DNAJB6: variants seen among roughly 807,000 people sequenced by gnomAD.
DNAJB6 encodes the protein dnaJ homolog subfamily B member 6.
Under a neutral mutation model 42.7 loss-of-function variants are expected in DNAJB6, and 16 were observed. The observed-to-expected ratio is 0.37, with a 90% CI of 0.25 to 0.57. The LOEUF is 0.57. Among genes scored for constraint, DNAJB6 ranks in the 20% least tolerant of loss-of-function variants. DNAJB6 has a pLI of 0.74. For synonymous variants in DNAJB6, 170 were observed against 163.5 expected (o/e 1.04, Z -0.30); for missense variants, 347 against 416.8 (o/e 0.83, Z 1.46).
At chr7:157,343,549 A>G (rs1212255108) in intron 1 of DNAJB6, among the ~76,000 whole-genome samples, 1 of 151,848 alleles carries the variant, frequency 6.6e-6, no homozygotes, top group African/African-American at 2.4e-5. Flanking sequence ...GCTCACTGCA[A>G]ACTCTCCCGG....
At chr7:157,397,192 G>A (rs1253222012) in intron 8 of DNAJB6, among the ~76,000 whole-genome samples, 3 of 152,182 alleles carry the variant, frequency 2.0e-5, no homozygotes, top group Non-Finnish European at 4.4e-5. Context: ...TAACCCGAGC[G>A]GCGTGCTTCC....
At chr7:157,358,227 T>A (rs1799406921) in intron 1 of DNAJB6, among the ~76,000 whole-genome samples, 1 of 152,210 alleles carries the variant, frequency 6.6e-6, no homozygotes, top group African/African-American at 2.4e-5. Flanking sequence ...TAGGAACACA[T>A]GACAGACTTT....
intron 5 of DNAJB6, among the ~76,000 whole-genome samples, chr7:157,374,252 GT>G (rs1035489395): frequency 2.9e-4 from 44 of 152,158 alleles, no homozygotes; most frequent in African/African-American, 9.9e-4. Context: ...AGATGGAGCT[GT>G]TTTTTGGAAG....
At chr7:157,392,820 T>C (rs1376518032) in intron 8 of DNAJB6, among the ~76,000 whole-genome samples, 2 of 152,206 alleles carry the variant, frequency 1.3e-5, no homozygotes, top group South Asian at 2.1e-4. Flanking sequence ...TGTCTTAATA[T>C]GTAGGTGTGC....
chr7:157,364,433 C>G (rs1799750687), intron 3 of DNAJB6, among the ~76,000 whole-genome samples: 1 of 152,148 alleles, frequency 6.6e-6, no homozygotes, highest in Admixed American at 6.5e-5. Flanking sequence ...AACTGTTGAG[C>G]TTATTCATTG....
rs375476524 is a variant in DNAJB6 at position 157,366,165 on chromosome 7, G to A, written c.176-337G>A. On this transcript the variant is annotated intron_variant, in intron 3 of 9. Transcript: ENST00000262177. ...GAGGTTTCACCATATTGGCCAGGCT[G>A]GTCTCAAACTCCTGACCTCAGGTGA... Among the ~76,000 whole-genome samples the A allele has an allele frequency of 1.8e-4, 27 of 152,198 alleles. 1 individual carries two copies. The East Asian group carries it at 3.1e-3, about 17-fold the overall frequency.
At chr7:157,343,699 A>G (rs547473907) in intron 1 of DNAJB6, among the ~76,000 whole-genome samples, 16 of 151,750 alleles carry the variant, frequency 1.1e-4, no homozygotes, top group Non-Finnish European at 1.9e-4. Flanking sequence ...TCCACCTGCC[A>G]TGGCCTCCCA....
Position 157,344,426 on chromosome 7 carries a change from T to C in DNAJB6, c.-27+7282T>C, listed in dbSNP as rs148186811. ...TACTCGGGAGGCTGATGCAGGAGAA[T>C]CGCTGGAACCAGGGAGGTGGAGGTT... On this transcript the variant is annotated intron_variant, in intron 1 of 9. Transcript: ENST00000262177. Among the ~76,000 whole-genome samples, 340 of 151,324 alleles carry C rather than the reference T, an allele frequency of 2.2e-3. 1 individual carries two copies. Among genetic ancestry groups the C allele is most frequent in the African/African-American group, 7.9e-3 (324 of 41,216 alleles).
chr7:157,338,867 G>A (rs1415983534), intron 1 of DNAJB6, among the ~76,000 whole-genome samples: 1 of 152,214 alleles, frequency 6.6e-6, no homozygotes, highest in Non-Finnish European at 1.5e-5. Flanking sequence ...GAAGCTTTTG[G>A]AAAGTGTCCA....
intron 1 of DNAJB6, among the ~76,000 whole-genome samples, chr7:157,348,435 T>C (rs1385690957): frequency 1.3e-5 from 2 of 152,176 alleles, no homozygotes; most frequent in Non-Finnish European, 2.9e-5. Flanking sequence ...GAATGGAAGA[T>C]TTCTGCACCA....
At chr7:157,350,552 A>G (rs779069613) in intron 1 of DNAJB6, among the ~76,000 whole-genome samples, 19 of 152,212 alleles carry the variant, frequency 1.2e-4, no homozygotes, top group Non-Finnish European at 2.2e-4. Flanking sequence ...GAAAGGTTGC[A>G]CTAATTAGTG....
intron 9 of DNAJB6, chr7:157,414,614 G>C (rs900597167): frequency 6.6e-6 from 1 of 152,212 alleles, no homozygotes; most frequent in African/African-American, 2.4e-5. Context: ...CGCGCATCTC[G>C]TGCTGCTCCT....
chr7:157,347,479 C>G (rs1427339600), intron 1 of DNAJB6, among the ~76,000 whole-genome samples: 3 of 152,108 alleles, frequency 2.0e-5, no homozygotes, highest in Non-Finnish European at 2.9e-5. Flanking sequence ...GTCACTGGGA[C>G]TTTAGGTGCA....
chr7:157,387,328 CT>C (rs1801117215), intron 8 of DNAJB6, among the ~76,000 whole-genome samples: 1 of 152,164 alleles, frequency 6.6e-6, no homozygotes, highest in African/African-American at 2.4e-5. Flanking sequence ...CTTCCTGTCT[CT>C]GGATAAGGTA....
intron 1 of DNAJB6, among the ~76,000 whole-genome samples, chr7:157,355,144 GTTTCT>G (rs1045856190): frequency 4.6e-5 from 7 of 151,788 alleles, no homozygotes; most frequent in African/African-American, 1.4e-4. Flanking sequence ...CGTTCCCGTA[GTTTCT>G]TTTATTTATT....
At chr7:157,341,553 A>T (rs559141865) in intron 1 of DNAJB6, among the ~76,000 whole-genome samples, 3 of 152,220 alleles carry the variant, frequency 2.0e-5, no homozygotes, top group Non-Finnish European at 4.4e-5. Flanking sequence ...GGCTTAAATT[A>T]AAAGTGTGTT....
intron 3 of DNAJB6, among the ~76,000 whole-genome samples, 187 bp downstream of exon 3, chr7:157,363,457 C>CCAT (rs1563123230): frequency 8.5e-5 from 13 of 152,116 alleles, no homozygotes; most frequent in Non-Finnish European, 1.9e-4. Context: ...TAGGTAACCA[C>CCAT]GAGTGCTGGG....
intron 3 of DNAJB6, among the ~76,000 whole-genome samples, chr7:157,366,013 C>G (rs575034896): frequency 2.6e-5 from 4 of 151,932 alleles, no homozygotes; most frequent in Admixed American, 6.6e-5. Flanking sequence ...TGCAATGGCA[C>G]GATCTTGGCT....
At chr7:157,400,375 T>TAGGGAGGTCTGAGCACG (rs1554467485) in intron 8 of DNAJB6, among the ~76,000 whole-genome samples, 10 of 152,016 alleles carry the variant, frequency 6.6e-5, no homozygotes, top group South Asian at 2.1e-4. Context: ...CGCTCGTGTG[T>TAGGGAGGTCTGAGCACG]GGTGTGCCGT....
Sources: allele counts gnomAD v4.1 joint callset (sites outside exome capture counted in the v4.1 genomes callset), GRCh38; gene constraint gnomAD v4.1.1; transcripts MANE v1.5; gene names NCBI Gene and HGNC (gene_info 2026-07-23, HGNC 2026-07-21).